Variants in ADAD1 observed in about 807,000 individuals in gnomAD.
ADAD1 encodes the protein adenosine deaminase domain-containing protein 1.
Under a neutral mutation model 66.8 loss-of-function variants are expected in ADAD1, and 46 were observed. The observed-to-expected ratio is 0.69, with a 90% CI of 0.54 to 0.88. The LOEUF (loss-of-function observed/expected upper bound fraction) is 0.88. Among genes scored for constraint, ADAD1 ranks in the 40% least tolerant of loss-of-function variants. The pLI, the probability that ADAD1 is intolerant of heterozygous loss-of-function variation, is 0.00. For synonymous variants in ADAD1, 248 were observed against 229.4 expected (o/e 1.08, Z -0.73); for missense variants, 617 against 681.8 (o/e 0.91, Z 1.06).
At chr4:122,407,757 C>CTA (rs1553923800) in intron 7 of ADAD1, 151 bp from the exon 8 acceptor site, 3 of 881,106 alleles carry the variant, frequency 3.4e-6, no homozygotes, top group Non-Finnish European at 4.8e-6. Context: ...TTAGAAGACT[C>CTA]TAAGACTCTT....
intron 12 of ADAD1, among the ~76,000 whole-genome samples, chr4:122,426,853 A>G (rs182066663): frequency 2.6e-5 from 4 of 152,334 alleles, no homozygotes; most frequent in South Asian, 4.1e-4. Flanking sequence ...AAGGGCATCA[A>G]TGAAGAGCCT....
chr4:122,428,086 T>G (rs199685099), intron 12 of ADAD1, among the ~76,000 whole-genome samples: 1 of 136,050 alleles, frequency 7.4e-6, no homozygotes, highest in South Asian at 2.5e-4. Context: ...GTAAAACAAT[T>G]AACTTAGATC....
intron 12 of ADAD1, among the ~76,000 whole-genome samples, chr4:122,424,730 T>A (rs1307201570): frequency 6.6e-6 from 1 of 152,104 alleles, no homozygotes; most frequent in African/African-American, 2.4e-5. Flanking sequence ...AAATTCACCA[T>A]ATCAATAATT....
At chr4:122,418,550 C>G (rs1035036101) in intron 11 of ADAD1, among the ~76,000 whole-genome samples, 4 of 151,990 alleles carry the variant, frequency 2.6e-5, no homozygotes, top group African/African-American at 9.7e-5. Context: ...TCTCTATCTC[C>G]TGACCTCATG....
intron 5 of ADAD1, among the ~76,000 whole-genome samples, chr4:122,389,933 C>T (rs1323309006): frequency 6.6e-6 from 1 of 152,126 alleles, no homozygotes; most frequent in Non-Finnish European, 1.5e-5. Context: ...CTAGTTGATG[C>T]ACTAGTTTAT....
At chr4:122,412,356 A>T (rs968051431) in intron 9 of ADAD1, among the ~76,000 whole-genome samples, 1 of 152,126 alleles carries the variant, frequency 6.6e-6, no homozygotes, top group South Asian at 2.1e-4. Flanking sequence ...AATATGAAAA[A>T]TATCTCTGTT....
intron 5 of ADAD1, among the ~76,000 whole-genome samples, chr4:122,390,381 T>A (rs1470070049): frequency 6.6e-6 from 1 of 152,206 alleles, no homozygotes; most frequent in African/African-American, 2.4e-5. Context: ...GTTCTCTGTA[T>A]TTCCTGAATT....
intron 5 of ADAD1, among the ~76,000 whole-genome samples, chr4:122,392,372 T>C (rs571386922): frequency 6.6e-6 from 1 of 152,126 alleles, no homozygotes; most frequent in East Asian, 1.9e-4. Context: ...ATGCAGCCAT[T>C]AAAAAAATAA....
intron 7 of ADAD1, among the ~76,000 whole-genome samples, chr4:122,405,324 C>A (rs1290109990): frequency 6.6e-6 from 1 of 152,222 alleles, no homozygotes; most frequent in Admixed American, 6.5e-5. Context: ...CACCTTTCTA[C>A]TTAACCCAGT....
intron 8 of ADAD1, among the ~76,000 whole-genome samples, chr4:122,408,882 C>CA (rs11347269): frequency 0.073 from 10,480 of 143,076 alleles, 978 homozygotes; most frequent in African/African-American, 0.22. Context: ...CATCTTGTCT[C>CA]AAAAAAAAAA....
chr4:122,396,140 CA>C, intron 6 of ADAD1, 111 bp from the exon 7 acceptor site: 2 of 910,720 alleles, frequency 2.2e-6, no homozygotes, highest in East Asian at 7.0e-5. Context: ...AATTTGCTTA[CA>C]GATGTCTATA....
chr4:122,409,989 T>G (rs746087338), intron 8 of ADAD1, among the ~76,000 whole-genome samples: 27 of 152,298 alleles, frequency 1.8e-4, no homozygotes, highest in Admixed American at 5.2e-4. Context: ...CTCTTACGGA[T>G]GTTTTCAAAG....
In ADAD1 at chr4:122,397,480, A is replaced by T. The variant is rs141362387; in HGVS notation, c.724+1103A>T. Among the ~76,000 whole-genome samples the T allele has an allele frequency of 5.9e-4, 90 of 152,336 alleles. 1 individual carries two copies. The highest frequency in any genetic ancestry group is 9.6e-4 in the Non-Finnish European group (65 of 68,016). On this transcript the variant is annotated intron_variant, in intron 7 of 12. Coordinates refer to ENST00000296513, the MANE Select transcript of ADAD1 (RefSeq NM_139243.4). The stretch of plus-strand genomic sequence containing the variant: ...CATGGAGTTGTTAGGATTAGATATA[A>T]TAATGTCAATATTAGTACTTGGCAT...
In ADAD1 at chr4:122,380,062, G is replaced by A. The variant is rs780997790; in HGVS notation, c.-8G>A. ...CTGCCAATTTTATCGTGACCTCTAG[G>A]TGAGAAAATGGCTAGCAACAATCAT... is the stretch of plus-strand genomic sequence containing the variant. On this transcript the variant is annotated splice_region_variant and 5_prime_UTR_variant, in exon 3 of 13. It adds an upstream start codon to the 5' untranslated region. Transcript: ENST00000296513. The A allele has an allele frequency of 3.2e-5, 52 of 1,609,542 alleles. No individual in the cohort carries two copies. Among genetic ancestry groups the A allele is most frequent in the Non-Finnish European group, 4.2e-5 (49 of 1,178,448 alleles).
At chr4:122,384,144 C>G (rs752106050) in intron 5 of ADAD1, among the ~76,000 whole-genome samples, 178 bp downstream of exon 5, 1 of 152,180 alleles carries the variant, frequency 6.6e-6, no homozygotes, top group Non-Finnish European at 1.5e-5. Context: ...AATGCTCTTG[C>G]ATATTTCAGC....
intron 12 of ADAD1, among the ~76,000 whole-genome samples, chr4:122,425,688 GTATTATAA>G (rs1560609734): frequency 2.5e-4 from 38 of 151,670 alleles, no homozygotes; most frequent in African/African-American, 8.7e-4. Flanking sequence ...ATTGTATTAG[GTATTATAA>G]ATAATCTAGG....
chr4:122,420,694 A>G (rs929639756), intron 11 of ADAD1, among the ~76,000 whole-genome samples: 3 of 152,224 alleles, frequency 2.0e-5, no homozygotes, highest in Non-Finnish European at 4.4e-5. Context: ...GAAAAGTTAC[A>G]GTAGCAAAAA....
chr4:122,379,278 A>T (rs1207726367), intron 1 of ADAD1, 94 bp from the exon 2 acceptor site: 1 of 152,418 alleles, frequency 6.6e-6, no homozygotes, highest in Admixed American at 6.5e-5. Flanking sequence ...CTTCTCCAGA[A>T]GGGTAAGGCG....
chr4:122,406,644 T>G (rs1001650477), intron 7 of ADAD1, among the ~76,000 whole-genome samples: 3 of 152,196 alleles, frequency 2.0e-5, no homozygotes, highest in Non-Finnish European at 4.4e-5. Flanking sequence ...GTATACTATA[T>G]AACACCTCTT....
Sources: gnomAD v4.1 joint callset for allele counts (sites outside exome capture counted in the v4.1 genomes callset) on GRCh38, gnomAD v4.1.1 for gene constraint, MANE v1.5 for transcripts, NCBI Gene and HGNC (gene_info 2026-07-23, HGNC 2026-07-21) for gene names.